GTF2E2: variants seen among roughly 807,000 people sequenced by gnomAD.
GTF2E2 encodes transcription initiation factor IIE subunit beta.
GTF2E2 carries 21 observed loss-of-function variants against 40.5 expected under a neutral mutation model. That is an observed-to-expected ratio of 0.52 (90% confidence interval 0.37 to 0.75). The LOEUF is 0.75. Ranked by LOEUF, GTF2E2 falls within the 30% of genes least tolerant of loss-of-function variation. GTF2E2 has a pLI of 0.00. For missense variants in GTF2E2, 298 were observed against 338.4 expected, an observed-to-expected ratio of 0.88 and a Z score of 0.94; for synonymous variants, 117 against 121.6, an observed-to-expected ratio of 0.96 and a Z score of 0.25.
At chr8:30,580,252 A>G (rs1828478305) in intron 7 of GTF2E2, 29 bp downstream of exon 7, 1 of 1,214,044 alleles carries the variant, frequency 8.2e-7, no homozygotes, top group Non-Finnish European at 1.2e-6. Context: ...AGGGCAGGGG[A>G]TTAAGCTGCT....
At chr8:30,587,871 TAAAA>T (rs58179732) in intron 6 of GTF2E2, among the ~76,000 whole-genome samples, 12 of 105,066 alleles carry the variant, frequency 1.1e-4, no homozygotes, top group Admixed American at 2.3e-4. Flanking sequence ...GACTCCGTCT[TAAAA>T]AAAAAAAAAA....
intron 5 of GTF2E2, among the ~76,000 whole-genome samples, chr8:30,608,773 G>A (rs1006874369): frequency 4.6e-5 from 7 of 152,118 alleles, no homozygotes; most frequent in South Asian, 2.1e-4. Context: ...GTTTTGAGAC[G>A]GAGTCTCACT....
intron 2 of GTF2E2, among the ~76,000 whole-genome samples, chr8:30,651,887 G>A (rs1802289609): frequency 6.6e-6 from 1 of 152,142 alleles, no homozygotes; most frequent in South Asian, 2.1e-4. Flanking sequence ...AGAAGTCAAT[G>A]GAACCAAACT....
intron 1 of GTF2E2, among the ~76,000 whole-genome samples, chr8:30,656,002 G>A (rs1400847699): frequency 6.6e-6 from 1 of 151,994 alleles, no homozygotes; most frequent in Non-Finnish European, 1.5e-5. Context: ...GTAGAGACGG[G>A]GTTCATTCAC....
intron 3 of GTF2E2, among the ~76,000 whole-genome samples, chr8:30,632,183 A>G (rs1048411258): frequency 2.6e-5 from 4 of 152,218 alleles, no homozygotes; most frequent in African/African-American, 9.6e-5. Context: ...AACTGATTTA[A>G]TTTTTAATCT....
At position 30,643,326 on chromosome 8, in the gene GTF2E2, T is replaced by A. The variant is rs187214256; in HGVS notation, c.167-8203A>T. Among the ~76,000 whole-genome samples the A allele has an allele frequency of 2.0e-3, 305 of 152,028 alleles. 2 individuals are homozygous for A. The highest frequency in any genetic ancestry group is 7.1e-3 in the African/African-American group (295 of 41,472). ...TGGGGTGGAAGCAAACAGGTACAGG[T>A]AGAGATGGGCCAAGAGTTGATGAAT... On this transcript the variant is annotated intron_variant, in intron 2 of 7. Coordinates refer to ENST00000355904, the MANE Select transcript of GTF2E2 (RefSeq NM_002095.6).
At chr8:30,616,322 G>A (rs1371351833) in intron 3 of GTF2E2, among the ~76,000 whole-genome samples, 1 of 152,134 alleles carries the variant, frequency 6.6e-6, no homozygotes, top group Non-Finnish European at 1.5e-5. Context: ...TGTAGTCTCA[G>A]CTACTCGGGA....
Position 30,614,602 on chromosome 8 carries a change from T to C in GTF2E2, c.366+6A>G. The C allele has an allele frequency of 6.9e-7, 1 of 1,439,416 alleles. No homozygotes were observed. 89.2% of individuals were successfully genotyped at this position (1,439,416 alleles called of 1,614,324 possible). A position where few individuals can be genotyped will look rare whatever the true frequency, so the allele number is the denominator to read the frequency against. On this transcript the variant is annotated splice_donor_region_variant and intron_variant, in intron 4 of 7. Coordinates refer to ENST00000355904, the MANE Select transcript of GTF2E2 (RefSeq NM_002095.6). ...AATCTCTCTTGATAATCAACTAAAT[T>C]CTTACCTCAGTCATTAGCCATTGTT...
rs143290758 is a variant in GTF2E2 at position 30,656,546 on chromosome 8, C to T, written c.-5+1427G>A. Among the ~76,000 whole-genome samples the T allele has an allele frequency of 3.9e-3, 596 of 152,314 alleles. 7 individuals carry two copies. Among genetic ancestry groups the T allele is most frequent in the African/African-American group, 0.014 (564 of 41,586 alleles). On this transcript the variant is annotated intron_variant, in intron 1 of 7. Coordinates refer to ENST00000355904, the MANE Select transcript of GTF2E2 (RefSeq NM_002095.6). ...TAAATAGGCCGGGCGCAGCGGCTCA[C>T]GCCTGTAATCCCAGCACTTTGGGAG...
At chr8:30,634,943 T>C (rs1801542395) in intron 3 of GTF2E2, 89 bp downstream of exon 3, 1 of 668,588 alleles carries the variant, frequency 1.5e-6, no homozygotes, top group African/African-American at 1.8e-5. Context: ...AATTTTGATG[T>C]ATACAGAAAT....
At chr8:30,601,585 A>C (rs1255272457) in intron 6 of GTF2E2, among the ~76,000 whole-genome samples, 1 of 152,226 alleles carries the variant, frequency 6.6e-6, no homozygotes, top group Non-Finnish European at 1.5e-5. Flanking sequence ...AACACTGCCA[A>C]GGTCGAAAGC....
intron 3 of GTF2E2, among the ~76,000 whole-genome samples, chr8:30,633,863 T>C (rs768953594): frequency 2.6e-5 from 4 of 152,202 alleles, no homozygotes; most frequent in South Asian, 2.1e-4. Context: ...TGGGGAGTTA[T>C]ATACTAACAT....
chr8:30,656,989 G>A (rs1381610513), intron 1 of GTF2E2: 1 of 152,102 alleles, frequency 6.6e-6, no homozygotes, highest in East Asian at 1.9e-4. Context: ...CCAGGGCCAG[G>A]AACCAAACCT....
chr8:30,649,154 A>G (rs1204254980), intron 2 of GTF2E2, among the ~76,000 whole-genome samples: 1 of 152,136 alleles, frequency 6.6e-6, no homozygotes, highest in Non-Finnish European at 1.5e-5. Flanking sequence ...AACCTAATAT[A>G]TATTATAAGA....
At chr8:30,654,368 A>T (rs924986199) in intron 1 of GTF2E2, among the ~76,000 whole-genome samples, 8 of 152,220 alleles carry the variant, frequency 5.3e-5, no homozygotes, top group African/African-American at 1.4e-4. Flanking sequence ...TAAAATGTTA[A>T]AATTAATTTC....
intron 6 of GTF2E2, among the ~76,000 whole-genome samples, chr8:30,594,781 C>A (rs1372909579): frequency 6.7e-6 from 1 of 150,132 alleles, no homozygotes; most frequent in Non-Finnish European, 1.5e-5. Flanking sequence ...CACTTGAACC[C>A]AGTAGGTGGA....
At chr8:30,650,992 C>G (rs1195271328) in intron 2 of GTF2E2, among the ~76,000 whole-genome samples, 1 of 140,062 alleles carries the variant, frequency 7.1e-6, no homozygotes, top group South Asian at 2.3e-4. Context: ...CCAGCCTGGG[C>G]AACAGAGCAA....
At chr8:30,621,640 C>G (rs1465972053) in intron 3 of GTF2E2, among the ~76,000 whole-genome samples, 2 of 152,012 alleles carry the variant, frequency 1.3e-5, no homozygotes, top group Non-Finnish European at 2.9e-5. Flanking sequence ...GTTTCACTTT[C>G]TTATTTTTTT....
Position 30,632,817 on chromosome 8 carries a change from G to T in GTF2E2, c.258+2215C>A, listed in dbSNP as rs564860689. Among the ~76,000 whole-genome samples the T allele has an allele frequency of 1.8e-4, 27 of 152,290 alleles. No individual in the cohort carries two copies. The South Asian group carries it at 5.6e-3, about 32-fold the overall frequency. Reference sequence around the variant, plus strand: ...GACCTAACAGAAGCATTAACTAATGGATGCTTGATGATAAAATCACTAGTG... The same window carrying T: ...GACCTAACAGAAGCATTAACTAATGTATGCTTGATGATAAAATCACTAGTG... On this transcript the variant is annotated intron_variant, in intron 3 of 7. Transcript: ENST00000355904.
Sources: gnomAD v4.1 joint callset for allele counts (sites outside exome capture counted in the v4.1 genomes callset) on GRCh38, gnomAD v4.1.1 for gene constraint, MANE v1.5 for transcripts, NCBI Gene and HGNC (gene_info 2026-07-23, HGNC 2026-07-21) for gene names.